Variants in TNRC6B observed in about 807,000 individuals in gnomAD.
TNRC6B encodes trinucleotide repeat-containing gene 6B protein.
Under a neutral mutation model 203.6 loss-of-function variants are expected in TNRC6B, and 52 were observed. The observed-to-expected ratio is 0.26, with a 90% confidence interval of 0.20 to 0.32. The LOEUF is 0.32. Ranked by LOEUF, TNRC6B falls within the 10% of genes least tolerant of loss-of-function variation. The probability of loss-of-function intolerance (pLI) is 1.00; values close to 1 mark genes in which losing one functional copy is unlikely to be tolerated. For missense variants in TNRC6B, 1,923 were observed against 2,286.2 expected, an observed-to-expected ratio of 0.84 and a Z score of 3.24; for synonymous variants, 838 against 845.7, an observed-to-expected ratio of 0.99 and a Z score of 0.16.
At chr22:40,075,939 T>C (rs903811206) in intron 1 of TNRC6B, among the ~76,000 whole-genome samples, 1 of 150,038 alleles carries the variant, frequency 6.7e-6, no homozygotes, top group Admixed American at 6.6e-5. Flanking sequence ...TTCGACATGT[T>C]AAATGTCCCA....
chr22:40,077,273 C>T (rs894664174), intron 1 of TNRC6B, among the ~76,000 whole-genome samples: 2 of 152,140 alleles, frequency 1.3e-5, no homozygotes, highest in Admixed American at 6.5e-5. Context: ...AAAGTGCCCA[C>T]GAGCAGAAAG....
Position 40,323,337 on chromosome 22 carries a change from C to A in TNRC6B, c.*96C>A. The A allele has an allele frequency of 2.1e-6, 3 of 1,414,320 alleles. No individual in the cohort carries two copies. The highest frequency in any genetic ancestry group is 1.4e-5 in the African/African-American group (1 of 69,116). 87.6% of individuals were successfully genotyped at this position (1,414,320 alleles called of 1,614,324 possible). ...TTTTTTTTTCAACTTGCAATAAATA[C>A]ATTTTTAAAAGGAAAAAAGAAAACG... is the stretch of plus-strand genomic sequence containing the variant. On this transcript the variant is annotated 3_prime_UTR_variant, in exon 23 of 23. Transcript: ENST00000454349.
At chr22:40,254,928 A>G (rs564003416) in intron 3 of TNRC6B, among the ~76,000 whole-genome samples, 38 of 152,308 alleles carry the variant, frequency 2.5e-4, no homozygotes, top group African/African-American at 8.9e-4. Context: ...ATAGACATAC[A>G]GTATCCAGGA....
chr22:40,156,536 A>G (rs2068820096), intron 4 of TNRC6B, among the ~76,000 whole-genome samples: 1 of 152,196 alleles, frequency 6.6e-6, no homozygotes, highest in Admixed American at 6.5e-5. Context: ...GAAGTGAACT[A>G]AACTAATAGA....
upstream of TNRC6B, chr22:40,177,904 TCA>T: frequency 7.4e-7 from 1 of 1,342,930 alleles, no homozygotes; most frequent in Non-Finnish European, 9.5e-7. Flanking sequence ...TATTTGAAGG[TCA>T]CAAAAAGCTG....
chr22:40,310,377 T>G lies in TNRC6B; in HGVS notation c.4259-440T>G, dbSNP rs762491353. Reference sequence around the variant, plus strand: ...TAATCTAAGCCTGATCAGCCAGCCCTTAAGAACCTGGGTGGATAGCATCAG... The same window carrying G: ...TAATCTAAGCCTGATCAGCCAGCCCGTAAGAACCTGGGTGGATAGCATCAG... On this transcript the variant is annotated intron_variant, in intron 16 of 22. Coordinates refer to ENST00000454349, the MANE Select transcript of TNRC6B (RefSeq NM_001162501.2). Among the ~76,000 whole-genome samples, 260 of 152,336 alleles carry G rather than the reference T, an allele frequency of 1.7e-3. 1 individual carries two copies. Among genetic ancestry groups the G allele is most frequent in the Non-Finnish European group, 3.0e-3 (206 of 68,016 alleles).
chr22:40,186,986 C>A (rs780053322), intron 1 of TNRC6B, among the ~76,000 whole-genome samples: 40 of 152,140 alleles, frequency 2.6e-4, no homozygotes, highest in Non-Finnish European at 3.4e-4. Context: ...ATAAAACTTA[C>A]TACTTTTTCA....
chr22:40,234,038 C>T (rs1158147845), intron 1 of TNRC6B, among the ~76,000 whole-genome samples: 1 of 152,180 alleles, frequency 6.6e-6, no homozygotes, highest in East Asian at 1.9e-4. Context: ...GTAATCCCAA[C>T]AGTTTGAGAG....
At chr22:40,225,291 G>A (rs2069767675) in intron 1 of TNRC6B, among the ~76,000 whole-genome samples, 2 of 152,042 alleles carry the variant, frequency 1.3e-5, no homozygotes, top group Non-Finnish European at 2.9e-5. Flanking sequence ...GGAGGGGTCC[G>A]GAGACACAAA....
chr22:40,245,648 T>C (rs1470684572), intron 1 of TNRC6B, among the ~76,000 whole-genome samples: 2 of 152,216 alleles, frequency 1.3e-5, no homozygotes, highest in Admixed American at 6.5e-5. Context: ...TGAGGAATAC[T>C]GCCCAGAAGC....
chr22:40,129,750 GT>G (rs1263961660), intron 3 of TNRC6B, among the ~76,000 whole-genome samples: 2 of 152,224 alleles, frequency 1.3e-5, no homozygotes, highest in East Asian at 1.9e-4. Context: ...TGGTTACAGT[GT>G]AGGTATGTTT....
At chr22:40,307,833 C>T (rs1333678655) in intron 15 of TNRC6B, among the ~76,000 whole-genome samples, 1 of 152,174 alleles carries the variant, frequency 6.6e-6, no homozygotes, top group East Asian at 1.9e-4. Context: ...TAGTTATCCT[C>T]TTACATGCTT....
intron 1 of TNRC6B, among the ~76,000 whole-genome samples, chr22:40,203,352 A>G (rs890857560): frequency 3.9e-5 from 6 of 151,946 alleles, no homozygotes; most frequent in African/African-American, 1.5e-4. Context: ...TCTTTCCATC[A>G]TTTCATGTCC....
At chr22:40,268,235 ACTG>A (rs2070508201) in intron 5 of TNRC6B, among the ~76,000 whole-genome samples, 1 of 152,052 alleles carries the variant, frequency 6.6e-6, no homozygotes, top group African/African-American at 2.4e-5. Context: ...ACAGGCACCC[ACTG>A]CCATGCCCAG....
At chr22:40,102,293 G>C (rs1350336748) in intron 1 of TNRC6B, among the ~76,000 whole-genome samples, 3 of 152,284 alleles carry the variant, frequency 2.0e-5, no homozygotes, top group African/African-American at 7.2e-5. Context: ...TGTTTGTACA[G>C]GTGGGATGAA....
chr22:40,158,321 A>G (rs5015397), intron 4 of TNRC6B, among the ~76,000 whole-genome samples: 102,435 of 151,010 alleles, frequency 0.68, 36,487 homozygotes, highest in African/African-American at 0.9. Flanking sequence ...CCTGGGCAAC[A>G]AGAGCGAAAC....
At chr22:40,169,348 T>C (rs943235654) in intron 4 of TNRC6B, among the ~76,000 whole-genome samples, 6 of 152,070 alleles carry the variant, frequency 3.9e-5, no homozygotes, top group African/African-American at 1.4e-4. Flanking sequence ...ACCAGGATGG[T>C]ATCAATCTTC....
chr22:40,122,439 AGACT>A (rs1267606792), intron 2 of TNRC6B, among the ~76,000 whole-genome samples: 1 of 152,136 alleles, frequency 6.6e-6, no homozygotes, highest in African/African-American at 2.4e-5. Flanking sequence ...ATAATAACAC[AGACT>A]GACCTACTCA....
intron 3 of TNRC6B, among the ~76,000 whole-genome samples, chr22:40,152,898 C>T (rs796615899): frequency 9.9e-5 from 15 of 151,930 alleles, no homozygotes; most frequent in African/African-American, 3.4e-4. Flanking sequence ...GTCAGGAGTT[C>T]GAGACCAGCC....
Sources: gnomAD v4.1 joint callset for allele counts (sites outside exome capture counted in the v4.1 genomes callset) on GRCh38, gnomAD v4.1.1 for gene constraint, MANE v1.5 for transcripts, NCBI Gene and HGNC (gene_info 2026-07-23, HGNC 2026-07-21) for gene names.